Variants in GUCY2C observed in about 807,000 individuals in gnomAD.
GUCY2C encodes the protein guanylate cyclase 2C.
Under a neutral mutation model 131.1 loss-of-function variants are expected in GUCY2C, and 118 were observed. The observed-to-expected ratio is 0.90, with a 90% CI of 0.78 to 1.05. The LOEUF is 1.05. GUCY2C is among the 50% of genes least tolerant of loss of function. The pLI, the probability that GUCY2C is intolerant of heterozygous loss-of-function variation, is 0.00. For missense variants in GUCY2C, 1,161 were observed against 1,304.4 expected (o/e 0.89, Z 1.69); for synonymous variants, 452 against 457.8 (o/e 0.99, Z 0.16).
intron 19 of GUCY2C, among the ~76,000 whole-genome samples, chr12:14,638,433 C>G (rs1441733554): frequency 6.6e-6 from 1 of 152,214 alleles, no homozygotes; most frequent in Non-Finnish European, 1.5e-5. Flanking sequence ...TATTGCAACA[C>G]TATTCACAAT....
intron 10 of GUCY2C, among the ~76,000 whole-genome samples, chr12:14,662,559 C>G (rs939200832): frequency 2.0e-5 from 3 of 151,648 alleles, no homozygotes; most frequent in African/African-American, 7.3e-5. Flanking sequence ...GCCTGTAATC[C>G]CAGCTATTCG....
intron 15 of GUCY2C, among the ~76,000 whole-genome samples, chr12:14,650,615 G>A (rs1194296977): frequency 6.6e-6 from 1 of 152,100 alleles, no homozygotes; most frequent in Admixed American, 6.6e-5. Context: ...CTCCTGGCCA[G>A]CCCCCTGCTC....
chr12:14,624,206 C>G (rs113214444), intron 21 of GUCY2C, among the ~76,000 whole-genome samples: 1 of 152,010 alleles, frequency 6.6e-6, no homozygotes, highest in South Asian at 2.1e-4. Context: ...TTTGGGAGGC[C>G]GAGGTGGGTG....
intron 10 of GUCY2C, among the ~76,000 whole-genome samples, chr12:14,661,990 G>A (rs1947876450): frequency 6.6e-6 from 1 of 152,146 alleles, no homozygotes; most frequent in Non-Finnish European, 1.5e-5. Flanking sequence ...CACTGAAGCA[G>A]TGTCTGAGTA....
In GUCY2C at chr12:14,616,677, C is replaced by G; in HGVS notation, c.2926G>C (p.Glu976Gln). 1 of 1,608,080 alleles carries G rather than the reference C, an allele frequency of 6.2e-7. No individual in the cohort carries two copies. The highest frequency in any genetic ancestry group is 8.5e-7 in the Non-Finnish European group (1 of 1,174,638). Reference protein sequence around the residue: ...GSTIAILKRTECQFLYEVRGE... With the variant: ...GSTIAILKRTQCQFLYEVRGE... ...CTCACTTCATAAAGGAACTGGCACT[C>G]AGTTCTCTTCAGGATGGCTATGGTG... The change falls in exon 25 of 27, where the codon GAG becomes CAG. Residue 976 changes from glutamate (E) to glutamine (Q), a missense_variant. Glu to Gln is a conservative substitution (Grantham distance 29, BLOSUM62 2). Transcript: ENST00000261170.
chr12:14,674,800 A>G, intron 7 of GUCY2C, 40 bp from the exon 8 acceptor site: 2 of 1,510,318 alleles, frequency 1.3e-6, no homozygotes, highest in Non-Finnish European at 1.8e-6. Flanking sequence ...GTCCTTCAAA[A>G]AAGAATCTTG....
At chr12:14,638,785 T>G (rs1947332383) in intron 19 of GUCY2C, among the ~76,000 whole-genome samples, 1 of 152,150 alleles carries the variant, frequency 6.6e-6, no homozygotes, top group South Asian at 2.1e-4. Flanking sequence ...AGTTATAATG[T>G]TTGATAGCAG....
chr12:14,635,831 A>G (rs910287076), intron 19 of GUCY2C, among the ~76,000 whole-genome samples: 1 of 152,186 alleles, frequency 6.6e-6, no homozygotes, highest in African/African-American at 2.4e-5. Flanking sequence ...GAACAACTAT[A>G]TACCAGCAAA....
intron 8 of GUCY2C, among the ~76,000 whole-genome samples, chr12:14,673,820 G>T (rs566581111): frequency 5.3e-5 from 8 of 152,124 alleles, no homozygotes; most frequent in Non-Finnish European, 1.2e-4. Context: ...GGACACATGG[G>T]ATGACCAACA....
At chr12:14,626,594 T>G (rs967382541) in intron 20 of GUCY2C, among the ~76,000 whole-genome samples, 1 of 152,152 alleles carries the variant, frequency 6.6e-6, no homozygotes, top group Non-Finnish European at 1.5e-5. Context: ...ACAGTATTCT[T>G]TACAACAGCA....
At chr12:14,686,258 A>G in intron 2 of GUCY2C, 33 bp from the exon 3 acceptor site, 1 of 1,468,806 alleles carries the variant, frequency 6.8e-7, no homozygotes, top group East Asian at 2.3e-5. Context: ...GAATTCCTAG[A>G]ACTAAGAAAA....
chr12:14,639,152 G>A (rs1182168811), intron 19 of GUCY2C, among the ~76,000 whole-genome samples: 1 of 151,894 alleles, frequency 6.6e-6, no homozygotes. Flanking sequence ...ACAAAAATTA[G>A]CTGGGTGTGG....
At chr12:14,666,787 T>C (rs1947991526) in intron 10 of GUCY2C, among the ~76,000 whole-genome samples, 1 of 151,592 alleles carries the variant, frequency 6.6e-6, no homozygotes, top group African/African-American at 2.4e-5. Context: ...TACTGAGGAC[T>C]CCTGTACCCT....
intron 17 of GUCY2C, among the ~76,000 whole-genome samples, chr12:14,643,345 C>T (rs1477032242): frequency 6.6e-6 from 1 of 152,090 alleles, no homozygotes; most frequent in Non-Finnish European, 1.5e-5. Context: ...CATGATTTCT[C>T]AGTGTAGCAA....
In GUCY2C at chr12:14,696,432, A is replaced by C. The variant is rs1948656846; in HGVS notation, c.17T>G (p.Leu6Trp). MKTLL[L>W]DLALWSLLFQ... ...GAGCAGTGACCACAAAGCCAAGTCC[A>C]ACAGCAACGTCTTCATGACCCCAAT... Residue 6 changes from leucine to tryptophan, a missense_variant, in exon 1 of 27, where the codon TTG (leucine) becomes TGG (tryptophan). Transcript: ENST00000261170. 1.9e-6 allele frequency: 3 copies of C among 1,613,826 alleles called. No homozygotes were observed. Among genetic ancestry groups the C allele is most frequent in the African/African-American group, 1.3e-5 (1 of 75,052 alleles).
At position 14,677,058 on chromosome 12, in the gene GUCY2C, T is replaced by C. The variant is rs914038676; in HGVS notation, c.831-87A>G. 9.0e-6 allele frequency: 4 copies of C among 445,038 alleles called. No individual in the cohort carries two copies. In the South Asian group the frequency reaches 1.7e-4, roughly 19 times the overall value. The allele number at this position is 445,038 out of a possible 1,614,324, so 27.6% of individuals were successfully genotyped here. Reference sequence around the variant, plus strand: ...GTTCACACAAACTATACCATCATCATTGAAAATAGTTTAAAACATTTTTTT... The same window carrying C: ...GTTCACACAAACTATACCATCATCACTGAAAATAGTTTAAAACATTTTTTT... On this transcript the variant is annotated intron_variant, in intron 6 of 26. Coordinates refer to ENST00000261170, the MANE Select transcript of GUCY2C (RefSeq NM_004963.4).
At chr12:14,622,478 A>C (rs981105752) in intron 21 of GUCY2C, among the ~76,000 whole-genome samples, 2 of 152,194 alleles carry the variant, frequency 1.3e-5, no homozygotes, top group Non-Finnish European at 2.9e-5. Flanking sequence ...AGATAACTTT[A>C]ATATCCTCAA....
intron 19 of GUCY2C, among the ~76,000 whole-genome samples, chr12:14,638,246 G>A (rs1947314527): frequency 6.6e-6 from 1 of 152,110 alleles, no homozygotes; most frequent in African/African-American, 2.4e-5. Flanking sequence ...AGAGAAAAGG[G>A]AACCCTTACA....
At chr12:14,616,523 T>G in intron 25 of GUCY2C, 110 bp downstream of exon 25, 2 of 727,994 alleles carry the variant, frequency 2.7e-6, no homozygotes, top group African/African-American at 1.7e-5. Flanking sequence ...CTCATCGTGA[T>G]GAGTACAGAA....
Sources: gnomAD v4.1 joint callset for allele counts (sites outside exome capture counted in the v4.1 genomes callset) on GRCh38, gnomAD v4.1.1 for gene constraint, MANE v1.5 for transcripts, NCBI Gene and HGNC (gene_info 2026-07-23, HGNC 2026-07-21) for gene names.